Variants in BATF observed in about 807,000 individuals in gnomAD.
The protein encoded by BATF is basic leucine zipper ATF-like transcription factor, also known as basic leucine zipper transcriptional factor ATF-like.
Under a neutral mutation model 13.7 loss-of-function variants are expected in BATF, and 5 were observed. The observed-to-expected ratio is 0.36, with a 90% CI of 0.19 to 0.77. BATF has a LOEUF of 0.77. Among genes scored for constraint, BATF ranks in the 30% least tolerant of loss-of-function variants. BATF has a pLI of 0.51. For missense variants in BATF, 124 were observed against 163.0 expected, an observed-to-expected ratio of 0.76 and a Z score of 1.30; for synonymous variants, 72 against 67.5, an observed-to-expected ratio of 1.07 and a Z score of -0.33.
Position 75,546,626 on chromosome 14 carries a change from C to G in BATF, c.333C>G (p.His111Gln). Reference protein sequence around the residue: ...PSPPEVVYSAHAFHQPHVSSP... With the variant: ...PSPPEVVYSAQAFHQPHVSSP... ...CCCCCGAGGTGGTGTACAGCGCCCA[C>G]GCATTCCACCAACCTCATGTCAGCT... is the stretch of plus-strand genomic sequence containing the variant. The change falls in exon 3 of 3, where the codon CAC becomes CAG. Residue 111 changes from histidine to glutamine, a missense_variant. Transcript: ENST00000286639. 6.2e-6 allele frequency: 10 copies of G among 1,612,986 alleles called. No individual in the cohort carries two copies. The highest frequency in any genetic ancestry group is 7.6e-6 in the Non-Finnish European group (9 of 1,179,556).
At chr14:75,525,325 G>T (rs1023968426) in intron 2 of BATF, 137 bp downstream of exon 2, 3 of 845,590 alleles carry the variant, frequency 3.5e-6, no homozygotes, top group Non-Finnish European at 3.7e-6. Context: ...GGTGAGGGCC[G>T]TGGGGTGAGG....
At chr14:75,541,773 C>A (rs889344994) in intron 2 of BATF, among the ~76,000 whole-genome samples, 9 of 152,340 alleles carry the variant, frequency 5.9e-5, no homozygotes, top group African/African-American at 2.2e-4. Context: ...AAGTGATTCT[C>A]CTGCCTCAGC....
At chr14:75,528,301 G>A (rs1231675806) in intron 2 of BATF, among the ~76,000 whole-genome samples, 3 of 152,200 alleles carry the variant, frequency 2.0e-5, no homozygotes, top group African/African-American at 7.2e-5. Context: ...TGTTTTCTTA[G>A]TTTCAACTGC....
chr14:75,525,922 A>T (rs921085202), intron 2 of BATF, among the ~76,000 whole-genome samples: 5 of 152,196 alleles, frequency 3.3e-5, no homozygotes, highest in Non-Finnish European at 5.9e-5. Context: ...GCTGTACCAG[A>T]TTCCTCTTTT....
Position 75,526,551 on chromosome 14 carries a change from CAG to C in BATF, c.168+1366_168+1367del, listed in dbSNP as rs547394349. 2.3e-4 allele frequency among the ~76,000 whole-genome samples: 35 copies of C among 152,340 alleles called. No individual in the cohort carries two copies. In the East Asian group the frequency reaches 6.7e-3, roughly 29 times the overall value. Reference sequence around the variant, plus strand: ...TGCATCTTTCAGCTTTACAAGGAAACAGAGCAGACTGCACCAACAGCTCTGAT... The same window carrying C: ...TGCATCTTTCAGCTTTACAAGGAAACAGCAGACTGCACCAACAGCTCTGAT... On this transcript the variant is annotated intron_variant, in intron 2 of 2. Coordinates refer to ENST00000286639, the MANE Select transcript of BATF (RefSeq NM_006399.5).
chr14:75,524,770 G>A (rs568435292), intron 1 of BATF, among the ~76,000 whole-genome samples: 2 of 151,748 alleles, frequency 1.3e-5, no homozygotes, highest in Admixed American at 6.5e-5. Context: ...CAGAGGAGAG[G>A]TGATAAAACA....
intron 2 of BATF, 63 bp from the exon 3 acceptor site, chr14:75,546,399 C>A: frequency 6.4e-7 from 1 of 1,565,498 alleles, no homozygotes. Flanking sequence ...TGTCCCTCCG[C>A]ACCCCACCCA....
chr14:75,529,457 A>G (rs1315294243), intron 2 of BATF, among the ~76,000 whole-genome samples: 1 of 152,178 alleles, frequency 6.6e-6, no homozygotes, highest in East Asian at 1.9e-4. Context: ...AACATGGTAA[A>G]TGTTAAATTT....
intron 2 of BATF, among the ~76,000 whole-genome samples, chr14:75,542,853 G>T (rs1038678064): frequency 6.6e-6 from 1 of 152,244 alleles, no homozygotes; most frequent in Non-Finnish European, 1.5e-5. Flanking sequence ...AAGCCAGGGA[G>T]GGGGAGGCAG....
Position 75,522,864 on chromosome 14 carries a change from C to T in BATF, c.63+119C>T, listed in dbSNP as rs1887593397. 62 of 1,223,902 alleles carry T rather than the reference C, an allele frequency of 5.1e-5. No homozygotes were observed. The South Asian group carries it at 7.1e-4, about 14-fold the overall frequency. 75.8% of individuals were successfully genotyped at this position (1,223,902 alleles called of 1,614,324 possible). A position where few individuals can be genotyped will look rare whatever the true frequency, so the allele number is the denominator to read the frequency against. On this transcript the variant is annotated intron_variant, in intron 1 of 2. Transcript: ENST00000286639. Reference sequence around the variant, plus strand: ...TGGAGGAAGTGGCTCGTTGCACGGGCACTCTGTTAGACTTAGGACATGGAA... The same window carrying T: ...TGGAGGAAGTGGCTCGTTGCACGGGTACTCTGTTAGACTTAGGACATGGAA...
intron 2 of BATF, among the ~76,000 whole-genome samples, chr14:75,532,414 A>G (rs917722443): frequency 1.3e-5 from 2 of 152,244 alleles, no homozygotes; most frequent in African/African-American, 4.8e-5. Context: ...GATATCATAT[A>G]TGTCATATAT....
chr14:75,529,005 T>TA (rs1285104080), intron 2 of BATF, among the ~76,000 whole-genome samples: 1 of 152,204 alleles, frequency 6.6e-6, no homozygotes, highest in Non-Finnish European at 1.5e-5. Flanking sequence ...ATACCTTATG[T>TA]AAAGTTAGCA....
intron 2 of BATF, among the ~76,000 whole-genome samples, chr14:75,538,132 A>C (rs930608092): frequency 3.9e-4 from 59 of 152,074 alleles, no homozygotes; most frequent in African/African-American, 1.4e-3. Flanking sequence ...TTAACTTTTA[A>C]ATTTTTTGTA....
rs184425380 is a variant in BATF, at chr14:75,528,552, T to C, written c.168+3364T>C. On this transcript the variant is annotated intron_variant, in intron 2 of 2. Transcript: ENST00000286639. ...AATGGATCGGTGATTCCTTTCGTAA[T>C]TGTGACATCAACAAACAATCTAATT... 3.3e-3 allele frequency among the ~76,000 whole-genome samples: 499 copies of C among 152,372 alleles called. 2 individuals are homozygous for C. Among genetic ancestry groups the C allele is most frequent in the Non-Finnish European group, 5.4e-3 (370 of 68,044 alleles).
chr14:75,542,287 G>A (rs1679829237), intron 2 of BATF, among the ~76,000 whole-genome samples: 1 of 152,244 alleles, frequency 6.6e-6, no homozygotes, highest in East Asian at 1.9e-4. Flanking sequence ...CCCACACAGA[G>A]CGTTATTGTG....
At chr14:75,536,042 C>G (rs748096877) in intron 2 of BATF, among the ~76,000 whole-genome samples, 2 of 152,204 alleles carry the variant, frequency 1.3e-5, no homozygotes, top group Non-Finnish European at 2.9e-5. Context: ...AGGAACAGTT[C>G]GTTCTAGGCA....
intron 1 of BATF, 77 bp from the exon 2 acceptor site, chr14:75,525,007 C>T: frequency 7.9e-7 from 1 of 1,260,654 alleles, no homozygotes; most frequent in Non-Finnish European, 1.1e-6. Context: ...TGGACGGATA[C>T]CACACACCAC....
chr14:75,538,656 C>T (rs907672078), intron 2 of BATF, among the ~76,000 whole-genome samples: 3 of 152,246 alleles, frequency 2.0e-5, no homozygotes, highest in African/African-American at 7.2e-5. Context: ...AATCCCAACA[C>T]TTTGGGAGCC....
At chr14:75,531,974 G>T (rs930769283) in intron 2 of BATF, among the ~76,000 whole-genome samples, 1 of 152,120 alleles carries the variant, frequency 6.6e-6, no homozygotes, top group Non-Finnish European at 1.5e-5. Flanking sequence ...AAAGAGATGC[G>T]ACCCTTCTGT....
Sources: gnomAD v4.1 joint callset for allele counts (sites outside exome capture counted in the v4.1 genomes callset) on GRCh38, gnomAD v4.1.1 for gene constraint, MANE v1.5 for transcripts, NCBI Gene and HGNC (gene_info 2026-07-23, HGNC 2026-07-21) for gene names.